Variants in RNF150 observed in about 807,000 individuals in gnomAD.
RNF150 encodes the protein ring finger protein 150.
Under a neutral mutation model 39.3 loss-of-function variants are expected in RNF150, and 24 were observed. That is an observed-to-expected ratio of 0.61 (90% CI 0.44 to 0.86). RNF150 has a LOEUF of 0.86. Among genes scored for constraint, RNF150 ranks in the 40% least tolerant of loss-of-function variants. The pLI, the probability that RNF150 is intolerant of heterozygous loss-of-function variation, is 0.00. For missense variants in RNF150, 502 were observed against 587.8 expected, an observed-to-expected ratio of 0.85 and a Z score of 1.51; for synonymous variants, 255 against 227.3, an observed-to-expected ratio of 1.12 and a Z score of -1.10.
intron 1 of RNF150, among the ~76,000 whole-genome samples, chr4:140,997,492 T>C (rs116795520): frequency 0.076 from 11,531 of 152,090 alleles, 495 homozygotes; most frequent in Middle Eastern, 0.16. Flanking sequence ...CTTGGTGGCA[T>C]ATGCCTGTGT....
chr4:141,122,375 A>C (rs1424131824), intron 1 of RNF150, among the ~76,000 whole-genome samples: 1 of 152,272 alleles, frequency 6.6e-6, no homozygotes, highest in Non-Finnish European at 1.5e-5. Context: ...AATGCTAAAA[A>C]GCTGTGACAG....
chr4:141,082,192 T>C (rs1738176640), intron 1 of RNF150, among the ~76,000 whole-genome samples: 1 of 152,222 alleles, frequency 6.6e-6, no homozygotes, highest in South Asian at 2.1e-4. Flanking sequence ...AAAGTAGTTA[T>C]ACATATTATT....
intron 1 of RNF150, among the ~76,000 whole-genome samples, chr4:141,028,841 TGA>T (rs1735817526): frequency 6.6e-6 from 1 of 152,154 alleles, no homozygotes; most frequent in African/African-American, 2.4e-5. Flanking sequence ...TTAAAAAACT[TGA>T]GAGTAGAACC....
At chr4:141,028,715 A>G (rs2292205) in intron 1 of RNF150, among the ~76,000 whole-genome samples, 96,949 of 151,940 alleles carry the variant, frequency 0.64, 32,378 homozygotes, top group Non-Finnish European at 0.75. Flanking sequence ...GTTAGTGCTG[A>G]TGCTAGGATT....
At chr4:140,922,542 G>A (rs1445369711) in intron 5 of RNF150, among the ~76,000 whole-genome samples, 2 of 151,884 alleles carry the variant, frequency 1.3e-5, no homozygotes, top group Non-Finnish European at 2.9e-5. Flanking sequence ...TGGCCATACT[G>A]CCCAAGGTAA....
chr4:141,199,038 A>G (rs1728249356), intron 1 of RNF150, among the ~76,000 whole-genome samples: 1 of 152,222 alleles, frequency 6.6e-6, no homozygotes, highest in African/African-American at 2.4e-5. Flanking sequence ...TAAGAAAACA[A>G]ACAACCCAAT....
In RNF150 at chr4:141,151,409, GACACACACACACAC is replaced by G. The variant is rs869289733; in HGVS notation, c.-6+61371_-6+61384del. On this transcript the variant is annotated intron_variant, in intron 1 of 7. Coordinates refer to the RNF150 transcript ENST00000420921. ...AATGTAGTGAAACCCCATCTCTACA[GACACACACACACAC>G]ACACACACACACACACACACACACA... 3.0e-3 allele frequency among the ~76,000 whole-genome samples: 367 copies of G among 121,990 alleles called. 3 individuals carry two copies. Among genetic ancestry groups the G allele is most frequent in the African/African-American group, 9.5e-3 (327 of 34,382 alleles). The allele number at this position is 121,990 out of a possible 152,430, so 80.0% of individuals were successfully genotyped here.
chr4:141,066,348 G>T (rs921773585), intron 1 of RNF150, among the ~76,000 whole-genome samples: 13 of 152,128 alleles, frequency 8.5e-5, no homozygotes, highest in African/African-American at 2.9e-4. Flanking sequence ...TTTTGCAAGG[G>T]TAGCAATGTT....
At chr4:140,966,697 A>AT (rs143700113) in intron 2 of RNF150, among the ~76,000 whole-genome samples, 7,469 of 152,236 alleles carry the variant, frequency 0.049, 496 homozygotes, top group African/African-American at 0.14. Flanking sequence ...TTTGGTAAGG[A>AT]TATGGGGAAA....
At chr4:141,113,161 G>C (rs1739441383) in intron 1 of RNF150, among the ~76,000 whole-genome samples, 1 of 151,670 alleles carries the variant, frequency 6.6e-6, no homozygotes, top group Non-Finnish European at 1.5e-5. Flanking sequence ...TCCTTGCATT[G>C]GGTTAGAACA....
chr4:141,078,789 C>CAAA (rs150748282), intron 1 of RNF150, among the ~76,000 whole-genome samples: 19 of 63,862 alleles, frequency 3.0e-4, no homozygotes, highest in African/African-American at 2.4e-3. Context: ...AACTCCGTCT[C>CAAA]AAAAAAAAAA....
At chr4:141,025,970 G>A (rs868250889) in intron 1 of RNF150, among the ~76,000 whole-genome samples, 2 of 152,036 alleles carry the variant, frequency 1.3e-5, no homozygotes, top group African/African-American at 2.4e-5. Flanking sequence ...CTGGATTAGC[G>A]TCCTCCTAAG....
intron 5 of RNF150, among the ~76,000 whole-genome samples, chr4:140,915,689 AAG>A (rs1306162515): frequency 6.6e-6 from 1 of 152,206 alleles, no homozygotes; most frequent in African/African-American, 2.4e-5. Context: ...GACAGCTTTG[AAG>A]AGAGTAGTGG....
intron 1 of RNF150, among the ~76,000 whole-genome samples, chr4:141,195,403 T>C (rs1357634061): frequency 6.6e-6 from 1 of 152,192 alleles, no homozygotes. Context: ...GATATTAATT[T>C]ATGTGGTTTT....
rs1728718569 is a variant in RNF150, at chr4:140,866,577, A to G, written c.*1684T>C. On this transcript the variant is annotated 3_prime_UTR_variant, in exon 7 of 7. Coordinates refer to ENST00000515673, the MANE Select transcript of RNF150 (RefSeq NM_020724.2). Reference sequence around the variant, plus strand: ...AATAGGAAATTGGTAAAGGTGGTGAAAAAGGAGCAGCTAGTATTCTCCGTT... The same window carrying G: ...AATAGGAAATTGGTAAAGGTGGTGAGAAAGGAGCAGCTAGTATTCTCCGTT... 6.6e-6 allele frequency: 1 copy of G among 152,226 alleles called. No individual in the cohort carries two copies. Among genetic ancestry groups the G allele is most frequent in the East Asian group, 1.9e-4 (1 of 5,210 alleles). 9.4% of individuals were successfully genotyped at this position (152,226 alleles called of 1,614,324 possible).
chr4:141,023,547 C>T (rs1735578305), intron 1 of RNF150, among the ~76,000 whole-genome samples: 1 of 84,014 alleles, frequency 1.2e-5, no homozygotes, highest in African/African-American at 3.7e-5. Flanking sequence ...AGTCTCCGCA[C>T]CTGGCTGAAA....
intron 1 of RNF150, among the ~76,000 whole-genome samples, chr4:141,089,918 C>T (rs1208553716): frequency 6.6e-6 from 1 of 152,166 alleles, no homozygotes; most frequent in Non-Finnish European, 1.5e-5. Context: ...ACATCGATGC[C>T]ACCACCATCA....
At chr4:140,894,196 C>T (rs1022204822) in intron 6 of RNF150, among the ~76,000 whole-genome samples, 1 of 152,114 alleles carries the variant, frequency 6.6e-6, no homozygotes, top group East Asian at 1.9e-4. Flanking sequence ...ACCTAAATTC[C>T]TTCAGAGGAG....
chr4:141,008,604 G>A (rs1299373264), intron 1 of RNF150, among the ~76,000 whole-genome samples: 1 of 152,118 alleles, frequency 6.6e-6, no homozygotes, highest in Non-Finnish European at 1.5e-5. Flanking sequence ...AGGGTTCAAA[G>A]GCCTTTTGTT....
Sources: allele counts gnomAD v4.1 joint callset (sites outside exome capture counted in the v4.1 genomes callset), GRCh38; gene constraint gnomAD v4.1.1; transcripts MANE v1.5; gene names NCBI Gene and HGNC (gene_info 2026-07-23, HGNC 2026-07-21).